The following DLG1 variants were observed in gnomAD, a reference collection of about 807,000 sequenced individuals.
DLG1 encodes the protein disks large homolog 1.
DLG1 carries 42 observed loss-of-function variants against 123.4 expected under a neutral mutation model. The observed-to-expected ratio is 0.34, with a 90% CI of 0.27 to 0.44. DLG1 has a LOEUF of 0.44. Among genes scored for constraint, DLG1 ranks in the 20% least tolerant of loss-of-function variants. The pLI, the probability that DLG1 is intolerant of heterozygous loss-of-function variation, is 1.00. For missense variants in DLG1, 942 were observed against 1,082.6 expected, an observed-to-expected ratio of 0.87 and a Z score of 1.82; for synonymous variants, 317 against 356.2, an observed-to-expected ratio of 0.89 and a Z score of 1.24.
chr3:197,168,756 T>C (rs771190170), intron 5 of DLG1, among the ~76,000 whole-genome samples: 16 of 152,212 alleles, frequency 1.1e-4, no homozygotes, highest in Non-Finnish European at 2.2e-4. Context: ...ATCTAAAGTT[T>C]TTCTGTTGTT....
intron 13 of DLG1, among the ~76,000 whole-genome samples, chr3:197,107,803 CCT>C (rs1767457721): frequency 7.0e-6 from 1 of 143,342 alleles, no homozygotes; most frequent in East Asian, 2.0e-4. Flanking sequence ...ATTCTGGTAG[CCT>C]TTTTTTTTTT....
intron 4 of DLG1, among the ~76,000 whole-genome samples, chr3:197,207,187 T>C (rs1578081304): frequency 6.6e-6 from 1 of 151,446 alleles, no homozygotes; most frequent in African/African-American, 2.5e-5. Context: ...AAGTTTGTCC[T>C]TCACGCAAAG....
intron 24 of DLG1, among the ~76,000 whole-genome samples, chr3:197,046,412 T>G (rs1305761746): frequency 3.9e-5 from 6 of 152,172 alleles, no homozygotes; most frequent in African/African-American, 9.7e-5. Flanking sequence ...GTGATTAAAA[T>G]TAGCATCATA....
At chr3:197,168,250 T>C (rs1802375583) in intron 5 of DLG1, among the ~76,000 whole-genome samples, 1 of 152,218 alleles carries the variant, frequency 6.6e-6, no homozygotes, top group South Asian at 2.1e-4. Flanking sequence ...ACTGACCAAG[T>C]TCCTTGAAGA....
At chr3:197,160,754 A>G (rs1798465622) in intron 5 of DLG1, among the ~76,000 whole-genome samples, 1 of 152,164 alleles carries the variant, frequency 6.6e-6, no homozygotes, top group African/African-American at 2.4e-5. Context: ...CACAGCTGAT[A>G]TATCATTTTT....
At chr3:197,204,566 A>T (rs1240594334) in intron 4 of DLG1, among the ~76,000 whole-genome samples, 1 of 152,224 alleles carries the variant, frequency 6.6e-6, no homozygotes, top group East Asian at 1.9e-4. Context: ...CCTGTGGTTA[A>T]ACAATTTCTC....
chr3:197,127,244 G>A (rs1002789304), intron 11 of DLG1, among the ~76,000 whole-genome samples: 13 of 150,464 alleles, frequency 8.6e-5, no homozygotes, highest in South Asian at 2.1e-4. Context: ...CCAACATGGC[G>A]AAACCCCGTC....
At chr3:197,148,488 A>C (rs1792250473) in intron 6 of DLG1, among the ~76,000 whole-genome samples, 1 of 151,792 alleles carries the variant, frequency 6.6e-6, no homozygotes, top group African/African-American at 2.4e-5. Flanking sequence ...TTGTACACAG[A>C]AAACTAAAGA....
intron 3 of DLG1, among the ~76,000 whole-genome samples, chr3:197,286,752 TTTTTGAGAC>T (rs1263678415): frequency 1.3e-5 from 2 of 152,118 alleles, no homozygotes; most frequent in African/African-American, 2.4e-5. Flanking sequence ...GCAAGGTTTG[TTTTTGAGAC>T]AGGGTCACTC....
At chr3:197,169,162 A>G (rs1254942476) in intron 5 of DLG1, among the ~76,000 whole-genome samples, 1 of 152,198 alleles carries the variant, frequency 6.6e-6, no homozygotes, top group Non-Finnish European at 1.5e-5. Context: ...TCTGTTCTGC[A>G]CATCCACATT....
intron 5 of DLG1, among the ~76,000 whole-genome samples, chr3:197,173,786 G>C (rs1369890996): frequency 6.6e-6 from 1 of 152,136 alleles, no homozygotes; most frequent in Non-Finnish European, 1.5e-5. Flanking sequence ...ACACAAATAG[G>C]CATGGCTGTG....
At chr3:197,262,641 C>G (rs1349101093) in intron 4 of DLG1, among the ~76,000 whole-genome samples, 1 of 152,310 alleles carries the variant, frequency 6.6e-6, no homozygotes, top group Admixed American at 6.5e-5. Context: ...TGACACTATA[C>G]TTCAGAGACT....
At chr3:197,273,240 CTTTATT>C (rs563442193) in intron 4 of DLG1, among the ~76,000 whole-genome samples, 6,255 of 137,946 alleles carry the variant, frequency 0.045, 172 homozygotes, top group Non-Finnish European at 0.059. Context: ...ATATTTTTTT[CTTTATT>C]TTTATTTTTA....
At chr3:197,245,621 C>G (rs1291782252) in intron 4 of DLG1, among the ~76,000 whole-genome samples, 2 of 152,138 alleles carry the variant, frequency 1.3e-5, no homozygotes, top group African/African-American at 4.8e-5. Context: ...TGAGACAAAA[C>G]CTCCCTCATG....
intron 11 of DLG1, among the ~76,000 whole-genome samples, chr3:197,126,640 T>A (rs1393318590): frequency 1.3e-5 from 2 of 152,218 alleles, no homozygotes; most frequent in East Asian, 3.8e-4. Context: ...ATAAAGTTTA[T>A]GTGCTAGAGG....
chr3:197,172,144 T>G (rs777369586), intron 5 of DLG1, among the ~76,000 whole-genome samples: 1 of 151,960 alleles, frequency 6.6e-6, no homozygotes, highest in Admixed American at 6.5e-5. Flanking sequence ...AAAATTATAA[T>G]GGAGCTGAAA....
chr3:197,131,115 C>G (rs1220332717), intron 10 of DLG1, among the ~76,000 whole-genome samples: 2 of 152,144 alleles, frequency 1.3e-5, no homozygotes, highest in African/African-American at 4.8e-5. Context: ...TGCACAGTAG[C>G]CCATTGTGTG....
intron 19 of DLG1, chr3:197,068,675 A>C: frequency 1.8e-6 from 1 of 554,266 alleles, no homozygotes; most frequent in South Asian, 2.3e-5. Flanking sequence ...TGTGCAGTTC[A>C]CTTAATAAAA....
intron 23 of DLG1, among the ~76,000 whole-genome samples, chr3:197,055,501 G>A (rs1731068594): frequency 6.6e-6 from 1 of 152,098 alleles, no homozygotes; most frequent in African/African-American, 2.4e-5. Context: ...AGGGTTTGCT[G>A]TTTTATTTAA....
Sources: gnomAD v4.1 joint callset for allele counts (sites outside exome capture counted in the v4.1 genomes callset) on GRCh38, gnomAD v4.1.1 for gene constraint, MANE v1.5 for transcripts, NCBI Gene and HGNC (gene_info 2026-07-23, HGNC 2026-07-21) for gene names.